The following GRIP1 variants were observed in gnomAD, a reference collection of about 807,000 sequenced individuals.
The protein encoded by GRIP1 is glutamate receptor-interacting protein 1.
GRIP1 carries 45 observed loss-of-function variants against 129.9 expected under a neutral mutation model. That is an observed-to-expected ratio of 0.35 (90% CI 0.27 to 0.44). The LOEUF (loss-of-function observed/expected upper bound fraction) is 0.44, where lower values mean the gene tolerates loss of function less well. GRIP1 is among the 20% of genes least tolerant of loss of function. The pLI, the probability that GRIP1 is intolerant of heterozygous loss-of-function variation, is 1.00. For missense variants in GRIP1, 1,196 were observed against 1,396.8 expected, an observed-to-expected ratio of 0.86 and a Z score of 2.29; for synonymous variants, 530 against 520.8, an observed-to-expected ratio of 1.02 and a Z score of -0.24.
chr12:66,842,145 T>C (rs868797737), intron 1 of GRIP1, among the ~76,000 whole-genome samples: 7 of 152,220 alleles, frequency 4.6e-5, no homozygotes, highest in Middle Eastern at 6.8e-3. Context: ...AGAAAAACAT[T>C]TTAAATGAAT....
intron 14 of GRIP1, among the ~76,000 whole-genome samples, chr12:66,428,388 G>A (rs1461414206): frequency 1.3e-5 from 2 of 152,106 alleles, no homozygotes; most frequent in African/African-American, 4.8e-5. Flanking sequence ...GATTTGTTGT[G>A]CTTGTCATCA....
intron 1 of GRIP1, among the ~76,000 whole-genome samples, chr12:66,899,389 G>T (rs559822392): frequency 3.9e-4 from 60 of 151,992 alleles, no homozygotes; most frequent in Admixed American, 7.9e-4. Flanking sequence ...TTTGAGTCAG[G>T]GTCCTGCTCT....
chr12:66,812,955 C>T (rs1040312528), intron 1 of GRIP1, among the ~76,000 whole-genome samples: 5 of 152,052 alleles, frequency 3.3e-5, no homozygotes, highest in African/African-American at 1.2e-4. Context: ...TAGTGCCAGG[C>T]ACTATTCACA....
chr12:66,451,342 T>C (rs2058789663), intron 11 of GRIP1, among the ~76,000 whole-genome samples: 1 of 136,196 alleles, frequency 7.3e-6, no homozygotes, highest in South Asian at 2.4e-4. Context: ...ATTTAAAAAA[T>C]ATAGAGAACT....
At chr12:66,801,123 T>C (rs570733138) in intron 1 of GRIP1, among the ~76,000 whole-genome samples, 32 of 152,216 alleles carry the variant, frequency 2.1e-4, no homozygotes, top group Admixed American at 7.9e-4. Context: ...GTTCAAAATA[T>C]ATACAATATA....
At chr12:66,895,463 T>C (rs1383771535) in intron 1 of GRIP1, among the ~76,000 whole-genome samples, 1 of 152,174 alleles carries the variant, frequency 6.6e-6, no homozygotes, top group Non-Finnish European at 1.5e-5. Flanking sequence ...TCTTTATAAA[T>C]TACCCAGCCT....
At chr12:66,878,421 G>T (rs935480584) in intron 1 of GRIP1, among the ~76,000 whole-genome samples, 3 of 151,936 alleles carry the variant, frequency 2.0e-5, no homozygotes, top group Admixed American at 2.0e-4. Flanking sequence ...GTGTGAGAGG[G>T]GAGGTACTCC....
At chr12:66,974,531 T>A (rs1417081558) in intron 1 of GRIP1, among the ~76,000 whole-genome samples, 1 of 152,188 alleles carries the variant, frequency 6.6e-6, no homozygotes, top group African/African-American at 2.4e-5. Flanking sequence ...AGTGAAAAGA[T>A]GAAGTAAAAA....
At chr12:66,937,848 A>C (rs1015475634) in intron 1 of GRIP1, among the ~76,000 whole-genome samples, 7 of 152,342 alleles carry the variant, frequency 4.6e-5, no homozygotes, top group Non-Finnish European at 1.0e-4. Context: ...GATTACAACA[A>C]ACAGGTGGTA....
At chr12:66,363,384 G>A (rs1447781654) in intron 23 of GRIP1, among the ~76,000 whole-genome samples, 1 of 148,192 alleles carries the variant, frequency 6.7e-6, no homozygotes, top group African/African-American at 2.5e-5. Flanking sequence ...GGGACCACAG[G>A]TGCGTGCCAC....
rs138049519 is a variant in GRIP1, at chr12:66,859,135, C to T, written c.58+209915G>A. On this transcript the variant is annotated intron_variant, in intron 1 of 1. Transcript: ENST00000643019. ...AGCCATATGAAGGAATGTGAATTCACCATTGATATCAGCCAAATAAGCCAG... is the reference window on the plus strand; with the variant it reads ...AGCCATATGAAGGAATGTGAATTCATCATTGATATCAGCCAAATAAGCCAG... Among the ~76,000 whole-genome samples the T allele has an allele frequency of 2.8e-4, 43 of 151,782 alleles. No homozygotes were observed. In the East Asian group the frequency reaches 7.6e-3, roughly 27 times the overall value.
intron 19 of GRIP1, among the ~76,000 whole-genome samples, chr12:66,386,648 GA>G (rs995450642): frequency 2.0e-5 from 3 of 150,126 alleles, no homozygotes; most frequent in East Asian, 3.9e-4. Context: ...AACAAAAAAA[GA>G]AAAAAAAATA....
chr12:67,068,245 C>T (rs906899121), intron 1 of GRIP1, among the ~76,000 whole-genome samples: 2 of 152,152 alleles, frequency 1.3e-5, no homozygotes, highest in African/African-American at 4.8e-5. Flanking sequence ...CTTTCCTCTC[C>T]GCAAGTTACT....
intron 2 of GRIP1, among the ~76,000 whole-genome samples, chr12:66,578,972 C>T (rs925104545): frequency 6.0e-4 from 92 of 152,288 alleles, no homozygotes; most frequent in African/African-American, 1.9e-3. Flanking sequence ...GGGTCCCTGA[C>T]CCCTGACCCC....
chr12:66,964,145 A>C (rs573579698), intron 1 of GRIP1, among the ~76,000 whole-genome samples: 10 of 152,266 alleles, frequency 6.6e-5, no homozygotes, highest in African/African-American at 2.2e-4. Flanking sequence ...TGTTTCCCGC[A>C]GTGCTGCCAA....
chr12:66,449,130 A>G lies in GRIP1; in HGVS notation c.1355-3622T>C, dbSNP rs566440855. On this transcript the variant is annotated intron_variant, in intron 11 of 24. Coordinates refer to ENST00000359742, the MANE Select transcript of GRIP1 (RefSeq NM_001366722.1). ...TTTTCTGCATTTCCACATTTCTAAT[A>G]CATGGTCCCGTTTCAGCATTTATCA... Among the ~76,000 whole-genome samples, 5 of 152,294 alleles carry G rather than the reference A, an allele frequency of 3.3e-5. No homozygotes were observed. The East Asian group carries it at 9.6e-4, about 29-fold the overall frequency.
At chr12:66,660,916 C>T (rs1164402841) in intron 1 of GRIP1, among the ~76,000 whole-genome samples, 2 of 151,720 alleles carry the variant, frequency 1.3e-5, no homozygotes, top group South Asian at 2.1e-4. Flanking sequence ...TACATGTATA[C>T]ATGTGTATTA....
chr12:66,475,503 C>A (rs2059577643), intron 7 of GRIP1, among the ~76,000 whole-genome samples: 1 of 152,174 alleles, frequency 6.6e-6, no homozygotes, highest in Admixed American at 6.5e-5. Context: ...CAGAACTCCC[C>A]ACCCAAATCA....
At chr12:66,993,627 C>T (rs1471628529) in intron 1 of GRIP1, among the ~76,000 whole-genome samples, 1 of 151,746 alleles carries the variant, frequency 6.6e-6, no homozygotes, top group Non-Finnish European at 1.5e-5. Flanking sequence ...CCCATCTCTA[C>T]TAAACATACA....
Sources: gnomAD v4.1 joint callset for allele counts (sites outside exome capture counted in the v4.1 genomes callset) on GRCh38, gnomAD v4.1.1 for gene constraint, MANE v1.5 for transcripts, NCBI Gene and HGNC (gene_info 2026-07-23, HGNC 2026-07-21) for gene names.